CNTNAP5: variants seen among roughly 807,000 people sequenced by gnomAD.
CNTNAP5 encodes contactin-associated protein-like 5.
A neutral mutation model predicts 150.2 loss-of-function variants in CNTNAP5; 72 were observed. The observed-to-expected ratio is 0.48, with a 90% CI of 0.40 to 0.58. CNTNAP5 has a LOEUF of 0.58. Among genes scored for constraint, CNTNAP5 ranks in the 20% least tolerant of loss-of-function variants. The pLI, the probability that CNTNAP5 is intolerant of heterozygous loss-of-function variation, is 0.00. For missense variants in CNTNAP5, 1,636 were observed against 1,626.2 expected (o/e 1.01, Z -0.10); for synonymous variants, 672 against 619.8 (o/e 1.08, Z -1.25).
chr2:124,260,119 A>G (rs1050015764), intron 3 of CNTNAP5, among the ~76,000 whole-genome samples: 2 of 152,222 alleles, frequency 1.3e-5, no homozygotes, highest in Non-Finnish European at 1.5e-5. Context: ...TTCAAACTAT[A>G]TTACAAGGCT....
rs61340026 is a variant in CNTNAP5 at position 124,883,070 on chromosome 2, C to CT, written c.3436+13326dup. ...CATATCAATATATATCATCCATTCT[C>CT]TTTTTTTTTTTTTTTTTTGAGACTA... On this transcript the variant is annotated intron_variant, in intron 21 of 23. Transcript: ENST00000682447. 5.1e-3 allele frequency among the ~76,000 whole-genome samples: 721 copies of CT among 142,082 alleles called. 3 individuals are homozygous for CT. Among genetic ancestry groups the CT allele is most frequent in the African/African-American group, 0.011 (422 of 38,164 alleles). The allele number at this position is 142,082 out of a possible 152,430, so 93.2% of individuals were successfully genotyped here. A position where few individuals can be genotyped will look rare whatever the true frequency, so the allele number is the denominator to read the frequency against.
intron 13 of CNTNAP5, among the ~76,000 whole-genome samples, chr2:124,706,887 G>A (rs1326526193): frequency 7.2e-5 from 6 of 83,390 alleles, no homozygotes; most frequent in African/African-American, 1.6e-4. Context: ...AAGAAGAAGA[G>A]GAAGAGGAAG....
intron 3 of CNTNAP5, among the ~76,000 whole-genome samples, chr2:124,284,327 G>A (rs192937684): frequency 2.0e-5 from 3 of 152,272 alleles, no homozygotes; most frequent in Admixed American, 1.3e-4. Context: ...GGTCAGGGAG[G>A]CCCCCAGATG....
chr2:124,107,583 T>C (rs1048474600), intron 1 of CNTNAP5, among the ~76,000 whole-genome samples: 2 of 152,196 alleles, frequency 1.3e-5, no homozygotes, highest in African/African-American at 2.4e-5. Flanking sequence ...TTAGATTGTG[T>C]AGTAGAAAGT....
chr2:124,578,154 TACAA>T (rs1200626316), intron 11 of CNTNAP5, among the ~76,000 whole-genome samples: 3 of 21,684 alleles, frequency 1.4e-4, no homozygotes, highest in African/African-American at 5.7e-4. Context: ...CCACTAAAAA[TACAA>T]AAAAAAAAAA....
At chr2:124,587,359 A>G (rs904366310) in intron 11 of CNTNAP5, among the ~76,000 whole-genome samples, 6 of 152,186 alleles carry the variant, frequency 3.9e-5, no homozygotes, top group African/African-American at 1.4e-4. Flanking sequence ...AAATCTTACC[A>G]TAGTATTGAA....
Position 124,109,748 on chromosome 2 carries a change from G to T in CNTNAP5, c.82+84016G>T, listed in dbSNP as rs1013694416. 2.6e-5 allele frequency among the ~76,000 whole-genome samples: 4 copies of T among 152,224 alleles called. No homozygotes were observed. In the South Asian group the frequency reaches 8.3e-4, roughly 32 times the overall value. ...AGCCCCTTGCCTGATAGGGTATAAT[G>T]TTAAATAGCAGGTAAATAACACCAT... is the stretch of plus-strand genomic sequence containing the variant. On this transcript the variant is annotated intron_variant, in intron 1 of 23. Coordinates refer to ENST00000682447, the MANE Select transcript of CNTNAP5 (RefSeq NM_001367498.1).
At chr2:124,709,692 C>T (rs916729049) in intron 13 of CNTNAP5, among the ~76,000 whole-genome samples, 4 of 152,086 alleles carry the variant, frequency 2.6e-5, no homozygotes, top group African/African-American at 4.8e-5. Context: ...CAAGTTAATA[C>T]GTGGTCCTAA....
intron 21 of CNTNAP5, among the ~76,000 whole-genome samples, chr2:124,884,441 A>G (rs1216478802): frequency 6.6e-6 from 1 of 151,796 alleles, no homozygotes; most frequent in Non-Finnish European, 1.5e-5. Flanking sequence ...TTTCTCTGTT[A>G]TATCATGTGA....
chr2:124,465,020 A>G (rs1238326638), intron 6 of CNTNAP5, among the ~76,000 whole-genome samples: 1 of 152,174 alleles, frequency 6.6e-6, no homozygotes, highest in Non-Finnish European at 1.5e-5. Context: ...ACAAAGTGGG[A>G]TCTTTAGAAC....
At chr2:124,401,032 A>C (rs2104758456) in intron 3 of CNTNAP5, among the ~76,000 whole-genome samples, 1 of 152,052 alleles carries the variant, frequency 6.6e-6, no homozygotes, top group African/African-American at 2.4e-5. Flanking sequence ...CCACCACGCT[A>C]ATTTTTGTAT....
At chr2:124,060,427 G>A (rs917226610) in intron 1 of CNTNAP5, among the ~76,000 whole-genome samples, 2 of 152,186 alleles carry the variant, frequency 1.3e-5, no homozygotes, top group African/African-American at 4.8e-5. Context: ...CAGCTCCTCT[G>A]TAATTCACAG....
intron 3 of CNTNAP5, among the ~76,000 whole-genome samples, chr2:124,316,804 C>CAAAAAAAAAAAAAAAAAAAAAA (rs56812690): frequency 3.7e-5 from 2 of 54,768 alleles, no homozygotes; most frequent in Non-Finnish European, 6.6e-5. Context: ...GACTCCATCT[C>CAAAAAAAAAAAAAAAAAAAAAA]AAAAAAAAAA....
chr2:124,062,408 T>C (rs1682036229), intron 1 of CNTNAP5, among the ~76,000 whole-genome samples: 1 of 152,210 alleles, frequency 6.6e-6, no homozygotes, highest in Non-Finnish European at 1.5e-5. Context: ...TTGTACTCAG[T>C]TGTTTTCTCC....
intron 7 of CNTNAP5, among the ~76,000 whole-genome samples, chr2:124,476,658 C>G (rs1693647734): frequency 6.6e-6 from 1 of 152,106 alleles, no homozygotes; most frequent in Non-Finnish European, 1.5e-5. Context: ...ATTCACAGAT[C>G]TTCAGAATTG....
chr2:124,678,473 C>T (rs1046016032), intron 13 of CNTNAP5, among the ~76,000 whole-genome samples: 3 of 151,612 alleles, frequency 2.0e-5, no homozygotes, highest in African/African-American at 4.8e-5. Flanking sequence ...GCTTCCTCAC[C>T]GAGAGCATTC....
chr2:124,132,658 T>C (rs1288461762), intron 1 of CNTNAP5, among the ~76,000 whole-genome samples: 1 of 152,194 alleles, frequency 6.6e-6, no homozygotes, highest in East Asian at 1.9e-4. Flanking sequence ...AATATAACAA[T>C]ATTATCAATA....
At chr2:124,835,515 C>A (rs369730622) in intron 19 of CNTNAP5, among the ~76,000 whole-genome samples, 2 of 152,124 alleles carry the variant, frequency 1.3e-5, no homozygotes, top group African/African-American at 2.4e-5. Flanking sequence ...GAAGTTAGGA[C>A]CCTCCAGAGT....
intron 3 of CNTNAP5, among the ~76,000 whole-genome samples, chr2:124,294,878 C>T (rs151124495): frequency 2.0e-5 from 3 of 152,256 alleles, no homozygotes; most frequent in East Asian, 3.9e-4. Context: ...AGCGCCGAGG[C>T]GGGCGGATCA....
Sources: allele counts gnomAD v4.1 joint callset (sites outside exome capture counted in the v4.1 genomes callset), GRCh38; gene constraint gnomAD v4.1.1; transcripts MANE v1.5; gene names NCBI Gene and HGNC (gene_info 2026-07-23, HGNC 2026-07-21).